SGCD: variants seen among roughly 807,000 people sequenced by gnomAD.
SGCD encodes the protein sarcoglycan delta, also known as delta-sarcoglycan.
Under a neutral mutation model 36.6 loss-of-function variants are expected in SGCD, and 18 were observed. The observed-to-expected ratio is 0.49, with a 90% CI of 0.34 to 0.73. The LOEUF (loss-of-function observed/expected upper bound fraction) is 0.73, where lower values mean the gene tolerates loss of function less well. Ranked by LOEUF, SGCD falls within the 30% of genes least tolerant of loss-of-function variation. The pLI is 0.01. For synonymous variants in SGCD, 133 were observed against 130.6 expected, an observed-to-expected ratio of 1.02 and a Z score of -0.12; for missense variants, 387 against 346.7, an observed-to-expected ratio of 1.12 and a Z score of -0.92.
At chr5:156,340,560 A>G (rs1190026888) in intron 2 of SGCD, among the ~76,000 whole-genome samples, 2 of 152,240 alleles carry the variant, frequency 1.3e-5, no homozygotes, top group Non-Finnish European at 2.9e-5. Flanking sequence ...TTAGATCTCC[A>G]AAATGCATGT....
the SGCD span, among the ~76,000 whole-genome samples, chr5:155,821,772 T>C: frequency 1.3e-5 from 2 of 152,226 alleles, no homozygotes; most frequent in Non-Finnish European, 2.9e-5. Context: ...ATTTAATCTT[T>C]CAGAGAAAAG....
intron 2 of SGCD, among the ~76,000 whole-genome samples, chr5:156,331,913 G>T (rs983557321): frequency 1.3e-5 from 2 of 152,138 alleles, no homozygotes; most frequent in Non-Finnish European, 2.9e-5. Flanking sequence ...GTTACCTATG[G>T]TTGACTTCTC....
chr5:156,082,423 T>C (rs147129023), intron 1 of SGCD, among the ~76,000 whole-genome samples: 51 of 152,324 alleles, frequency 3.3e-4, no homozygotes, highest in Middle Eastern at 3.4e-3. Context: ...ACCACTAACC[T>C]GTCTTCCATT....
chr5:155,824,991 A>G, the SGCD span, among the ~76,000 whole-genome samples: 1 of 152,204 alleles, frequency 6.6e-6, no homozygotes, highest in Admixed American at 6.5e-5. Context: ...CATGGTAGTT[A>G]ACGCAAAGGC....
At chr5:156,405,726 A>C (rs146074018) in intron 3 of SGCD, among the ~76,000 whole-genome samples, 1 of 152,080 alleles carries the variant, frequency 6.6e-6, no homozygotes, top group Non-Finnish European at 1.5e-5. Flanking sequence ...TAGTAACTTT[A>C]ATTTGTTGTC....
At chr5:156,732,095 A>T (rs894536996) in intron 7 of SGCD, among the ~76,000 whole-genome samples, 1 of 152,104 alleles carries the variant, frequency 6.6e-6, no homozygotes, top group African/African-American at 2.4e-5. Context: ...GTAAACAGGG[A>T]TAGTTTGACT....
intron 4 of SGCD, among the ~76,000 whole-genome samples, chr5:156,569,572 A>G (rs1328784690): frequency 2.0e-5 from 3 of 151,598 alleles, no homozygotes; most frequent in Non-Finnish European, 4.4e-5. Context: ...AGCCTGGGCG[A>G]CAGAGTGCAT....
chr5:156,223,277 C>T (rs1472168064), intron 3 of SGCD, among the ~76,000 whole-genome samples: 1 of 151,976 alleles, frequency 6.6e-6, no homozygotes. Flanking sequence ...TAGACTGACT[C>T]TGAAGAAATA....
At chr5:156,082,769 A>T (rs1053242178) in intron 1 of SGCD, among the ~76,000 whole-genome samples, 1 of 152,220 alleles carries the variant, frequency 6.6e-6, no homozygotes, top group African/African-American at 2.4e-5. Context: ...AATTGGATAA[A>T]CGTCCAGGAG....
chr5:156,532,524 G>C (rs1056155649), intron 4 of SGCD, among the ~76,000 whole-genome samples: 2 of 152,114 alleles, frequency 1.3e-5, no homozygotes, highest in African/African-American at 4.8e-5. Context: ...GCAGTGGCAT[G>C]ATCTTGGCTC....
At chr5:156,251,854 A>G (rs1328113666) in intron 3 of SGCD, among the ~76,000 whole-genome samples, 1 of 151,960 alleles carries the variant, frequency 6.6e-6, no homozygotes, top group Non-Finnish European at 1.5e-5. Context: ...TGGAGATACA[A>G]CATTAAGATT....
At chr5:155,892,174 G>A (rs776885893) in intron 1 of SGCD, among the ~76,000 whole-genome samples, 24 of 152,002 alleles carry the variant, frequency 1.6e-4, no homozygotes, top group Non-Finnish European at 3.2e-4. Context: ...AAAGAATGAA[G>A]CGGCCAGGCA....
chr5:156,259,298 G>A lies in SGCD; in HGVS notation c.-43-70236G>A, dbSNP rs72811745. On this transcript the variant is annotated intron_variant, in intron 3 of 9. Coordinates refer to the SGCD transcript ENST00000517913. ...TTGTGTGCTCAAGTTTGTGCCTATC[G>A]TTTTATTGGGACATTTATCTTTTTA... is the stretch of plus-strand genomic sequence containing the variant. Among the ~76,000 whole-genome samples, 1,424 of 151,866 alleles carry A rather than the reference G, an allele frequency of 9.4e-3. 8 individuals carry two copies. The highest frequency in any genetic ancestry group is 0.015 in the Non-Finnish European group (997 of 67,928).
rs192650315 is a variant in SGCD, at chr5:156,534,407, C to G, written c.294+25705C>G. Reference sequence around the variant, plus strand: ...CTCCCTTCCAAATCATCCTTTTGTTCATGGCCTTGCCATATCCTGATTCTT... The same window carrying G: ...CTCCCTTCCAAATCATCCTTTTGTTGATGGCCTTGCCATATCCTGATTCTT... On this transcript the variant is annotated intron_variant, in intron 4 of 8. Coordinates refer to ENST00000337851, the MANE Select transcript of SGCD (RefSeq NM_000337.6). 6.6e-4 allele frequency among the ~76,000 whole-genome samples: 101 copies of G among 152,288 alleles called. 1 individual carries two copies. Among genetic ancestry groups the G allele is most frequent in the Non-Finnish European group, 1.2e-3 (79 of 68,026 alleles).
intron 3 of SGCD, among the ~76,000 whole-genome samples, chr5:156,452,677 A>G (rs1485048428): frequency 6.6e-6 from 1 of 152,208 alleles, no homozygotes; most frequent in Non-Finnish European, 1.5e-5. Flanking sequence ...ATTTTAAAAC[A>G]TAGGAGTTAG....
the SGCD span, among the ~76,000 whole-genome samples, chr5:155,758,151 T>C: frequency 1.3e-5 from 2 of 152,148 alleles, no homozygotes; most frequent in Non-Finnish European, 2.9e-5. Flanking sequence ...TCAGTCTCCT[T>C]AGTAGATACC....
intron 3 of SGCD, among the ~76,000 whole-genome samples, chr5:156,264,023 T>A (rs149588124): frequency 3.3e-4 from 50 of 152,138 alleles, no homozygotes; most frequent in African/African-American, 1.2e-3. Context: ...TCTGGAGAAT[T>A]CTTCTGGAAT....
At chr5:156,025,447 A>C (rs1759207351) in intron 1 of SGCD, among the ~76,000 whole-genome samples, 1 of 152,152 alleles carries the variant, frequency 6.6e-6, no homozygotes, top group Non-Finnish European at 1.5e-5. Flanking sequence ...ATTGTAGTAT[A>C]TTTTCATGTT....
intron 1 of SGCD, among the ~76,000 whole-genome samples, chr5:156,113,741 C>A (rs1280676163): frequency 6.6e-6 from 1 of 152,052 alleles, no homozygotes; most frequent in African/African-American, 2.4e-5. Context: ...TCATAATTAC[C>A]CAAAACTGGA....
Sources: allele counts gnomAD v4.1 joint callset (sites outside exome capture counted in the v4.1 genomes callset), GRCh38; gene constraint gnomAD v4.1.1; transcripts MANE v1.5; gene names NCBI Gene and HGNC (gene_info 2026-07-23, HGNC 2026-07-21).